The following PCNX1 variants were observed in gnomAD, a reference collection of about 807,000 sequenced individuals.
The protein encoded by PCNX1 is pecanex 1, also known as pecanex-like protein 1.
PCNX1 carries 78 observed loss-of-function variants against 242.2 expected under a neutral mutation model. That is an observed-to-expected ratio of 0.32 (90% CI 0.27 to 0.39). PCNX1 has a LOEUF of 0.39. Ranked by LOEUF, PCNX1 falls within the 10% of genes least tolerant of loss-of-function variation. The pLI is 1.00. For missense variants in PCNX1, 2,581 were observed against 2,856.5 expected (o/e 0.90, Z 2.20); for synonymous variants, 1,024 against 1,032.9 (o/e 0.99, Z 0.17).
At chr14:71,046,014 A>G (rs1218009212) in intron 20 of PCNX1, among the ~76,000 whole-genome samples, 2 of 152,148 alleles carry the variant, frequency 1.3e-5, no homozygotes, top group Non-Finnish European at 2.9e-5. Flanking sequence ...TTATATACCA[A>G]TGATTAAATA....
chr14:71,094,601 CT>C (rs1566798193), intron 30 of PCNX1, among the ~76,000 whole-genome samples: 1 of 152,094 alleles, frequency 6.6e-6, no homozygotes, highest in Non-Finnish European at 1.5e-5. Context: ...CCCCTCCAAC[CT>C]TATGGATTAC....
intron 19 of PCNX1, among the ~76,000 whole-genome samples, chr14:71,037,499 G>T (rs1382656254): frequency 6.6e-6 from 1 of 151,202 alleles, no homozygotes; most frequent in African/African-American, 2.4e-5. Flanking sequence ...TTAGCATGAA[G>T]GGTTGTTGAA....
In PCNX1 at chr14:71,028,803, A is replaced by G; in HGVS notation, c.3558+12A>G. On this transcript the variant is annotated intron_variant, in intron 16 of 35. Transcript: ENST00000304743. ...ATGGGGCTTTAAAGGTGAGCAATAA[A>G]TTATAGTATGTTTTGTCTTTAAGGC... 9 of 1,486,110 alleles carry G rather than the reference A, an allele frequency of 6.1e-6. No individual in the cohort carries two copies. Among genetic ancestry groups the G allele is most frequent in the Non-Finnish European group, 8.4e-6 (9 of 1,076,864 alleles). The allele number at this position is 1,486,110 out of a possible 1,614,324, so 92.1% of individuals were successfully genotyped here. A position where few individuals can be genotyped will look rare whatever the true frequency, so the allele number is the denominator to read the frequency against.
chr14:70,948,580 C>T (rs1416966496), intron 2 of PCNX1, among the ~76,000 whole-genome samples: 2 of 144,836 alleles, frequency 1.4e-5, no homozygotes, highest in Non-Finnish European at 3.1e-5. Flanking sequence ...TATATATACA[C>T]ATATGCATAT....
chr14:70,953,088 T>G (rs2057850772), intron 2 of PCNX1, among the ~76,000 whole-genome samples: 1 of 152,052 alleles, frequency 6.6e-6, no homozygotes, highest in Non-Finnish European at 1.5e-5. Flanking sequence ...GGCAACATAG[T>G]GAGACCTTGT....
chr14:71,109,725 T>G, intron 35 of PCNX1, 70 bp from the exon 36 acceptor site: 1 of 1,570,748 alleles, frequency 6.4e-7, no homozygotes, highest in Non-Finnish European at 8.8e-7. Context: ...TAATCCTAGG[T>G]AGGGGTAAGA....
intron 4 of PCNX1, 35 bp from the exon 5 acceptor site, chr14:70,968,986 T>C: frequency 1.7e-6 from 2 of 1,192,860 alleles, no homozygotes; most frequent in South Asian, 2.4e-5. Flanking sequence ...TTACTGTTAA[T>C]ATAAGGTCCT....
intron 8 of PCNX1, among the ~76,000 whole-genome samples, chr14:70,998,850 A>G (rs752936329): frequency 3.9e-5 from 6 of 151,970 alleles, no homozygotes; most frequent in East Asian, 1.9e-4. Flanking sequence ...ATTGGGTTCA[A>G]ATGACTTAAG....
At chr14:71,103,761 A>T in intron 32 of PCNX1, 92 bp downstream of exon 32, 1 of 1,168,934 alleles carries the variant, frequency 8.6e-7, no homozygotes, top group South Asian at 1.4e-5. Context: ...TGTAGAAAAA[A>T]TTACAGGTGC....
chr14:70,929,914 C>G (rs1457193266), intron 1 of PCNX1, among the ~76,000 whole-genome samples: 1 of 152,090 alleles, frequency 6.6e-6, no homozygotes, highest in Non-Finnish European at 1.5e-5. Flanking sequence ...TGACTTTCAC[C>G]AGAATTTATA....
chr14:70,953,094 C>T (rs559016719), intron 2 of PCNX1, among the ~76,000 whole-genome samples: 69 of 152,022 alleles, frequency 4.5e-4, no homozygotes, highest in South Asian at 4.2e-3. Flanking sequence ...ATAGTGAGAC[C>T]TTGTCTTTAC....
intron 1 of PCNX1, among the ~76,000 whole-genome samples, chr14:70,933,119 C>A (rs952367003): frequency 3.9e-5 from 6 of 152,148 alleles, no homozygotes; most frequent in African/African-American, 1.4e-4. Context: ...GCTAGAGGAG[C>A]TGTTTTCAGA....
intron 11 of PCNX1, among the ~76,000 whole-genome samples, chr14:71,018,558 C>T (rs112031648): frequency 6.6e-6 from 1 of 151,964 alleles, no homozygotes; most frequent in Non-Finnish European, 1.5e-5. Context: ...TCAATTAGTG[C>T]CAGAATTTTG....
rs2060911306 is a variant in PCNX1, at chr14:71,047,971, T to C, written c.4325T>C (p.Ile1442Thr). ...CTGTTGGATCTCTTCTTTATGTCCA[T>C]ACTCTTCAACAAGGTAATTTATCAC... is the stretch of plus-strand genomic sequence containing the variant. ...TMLLDLFFMS[I>T]LFNKLWELLY... The change falls in exon 22 of 36, where the codon ATA becomes ACA. Residue 1442 changes from isoleucine (I) to threonine (T), a missense_variant. This residue lies in a region of PCNX1 where 432 missense variants were observed against 443.1 expected (regional missense o/e 0.97). Transcript: ENST00000304743. The C allele has an allele frequency of 6.2e-7, 1 of 1,610,822 alleles. No individual in the cohort carries two copies. The highest frequency in any genetic ancestry group is 1.1e-5 in the South Asian group (1 of 90,896).
At chr14:70,992,742 A>T (rs890584104) in intron 7 of PCNX1, among the ~76,000 whole-genome samples, 2 of 152,214 alleles carry the variant, frequency 1.3e-5, no homozygotes, top group Non-Finnish European at 2.9e-5. Flanking sequence ...AATAGTTGCT[A>T]CCCTTACTCA....
At chr14:70,937,868 T>A (rs2057074458) in intron 1 of PCNX1, among the ~76,000 whole-genome samples, 1 of 152,210 alleles carries the variant, frequency 6.6e-6, no homozygotes, top group Admixed American at 6.5e-5. Context: ...TAAGTTGGAT[T>A]CCAAGGTATT....
At chr14:71,043,701 T>C (rs532192505) in intron 19 of PCNX1, among the ~76,000 whole-genome samples, 10 of 152,314 alleles carry the variant, frequency 6.6e-5, no homozygotes, top group Non-Finnish European at 1.3e-4. Context: ...ATCTCTTTGT[T>C]GAGTTTCTCA....
chr14:70,933,663 C>T (rs1428934968), intron 1 of PCNX1, among the ~76,000 whole-genome samples: 1 of 152,162 alleles, frequency 6.6e-6, no homozygotes, highest in Admixed American at 6.5e-5. Context: ...ACTGTGCAGC[C>T]AAACTGCTCT....
rs2058242040 is a variant in PCNX1, at chr14:70,962,254, G to C, written c.391G>C (p.Glu131Gln). 1 of 1,612,674 alleles carries C rather than the reference G, an allele frequency of 6.2e-7. No homozygotes were observed. Among genetic ancestry groups the C allele is most frequent in the Non-Finnish European group, 8.5e-7 (1 of 1,178,896 alleles). Residue 131 changes from glutamate to glutamine, a missense_variant, in exon 3 of 36, where the codon GAG becomes CAG. Coordinates refer to ENST00000304743, the MANE Select transcript of PCNX1 (RefSeq NM_014982.3). ...TCCTGGTGGAGGGATTGAAATGTCT[G>C]AGTTCATCCGAGAGGCCACACCCCC... ...SDPGGGIEMS[E>Q]FIREATPPVG...
Sources: allele counts gnomAD v4.1 joint callset (sites outside exome capture counted in the v4.1 genomes callset), GRCh38; gene constraint gnomAD v4.1.1; regional missense constraint gnomAD v4.1.1; transcripts MANE v1.5; gene names NCBI Gene and HGNC (gene_info 2026-07-23, HGNC 2026-07-21).